The following CCSER1 variants were observed in gnomAD, a reference collection of about 807,000 sequenced individuals.
CCSER1 encodes the protein coiled-coil serine rich protein 1, also known as serine-rich coiled-coil domain-containing protein 1.
In CCSER1, 41 loss-of-function variants were observed where a neutral mutation model predicts 82.0. The ratio of observed to expected loss-of-function variants is 0.50; its 90% CI spans 0.39 to 0.65. The LOEUF (loss-of-function observed/expected upper bound fraction) is 0.65. Ranked by LOEUF, CCSER1 falls within the 30% of genes least tolerant of loss-of-function variation. CCSER1 has a pLI of 0.00. For synonymous variants in CCSER1, 414 were observed against 383.9 expected (o/e 1.08, Z -0.92); for missense variants, 1,119 against 1,064.2 (o/e 1.05, Z -0.72).
intron 3 of CCSER1, among the ~76,000 whole-genome samples, chr4:90,369,416 T>C (rs752338998): frequency 1.3e-4 from 19 of 144,882 alleles, no homozygotes; most frequent in Non-Finnish European, 2.1e-4. Flanking sequence ...AAAGAACATG[T>C]AAGTGGGAGC....
At chr4:90,435,751 C>T (rs1758911649) in intron 4 of CCSER1, among the ~76,000 whole-genome samples, 1 of 151,924 alleles carries the variant, frequency 6.6e-6, no homozygotes, top group Admixed American at 6.6e-5. Flanking sequence ...TACATGACTG[C>T]CTCAGGTAAT....
chr4:90,704,623 G>T (rs992113336), intron 6 of CCSER1, among the ~76,000 whole-genome samples: 24 of 152,208 alleles, frequency 1.6e-4, no homozygotes, highest in African/African-American at 5.1e-4. Flanking sequence ...ATCAGACCTA[G>T]ATTTGGTCTT....
At chr4:90,621,229 G>T (rs1300424896) in intron 5 of CCSER1, among the ~76,000 whole-genome samples, 3 of 152,100 alleles carry the variant, frequency 2.0e-5, no homozygotes, top group African/African-American at 7.2e-5. Flanking sequence ...TAATTTTTCT[G>T]TGTTTTTTTT....
Position 91,582,716 on chromosome 4 carries a change from A to G in CCSER1, c.2218-15856A>G, listed in dbSNP as rs190115267. ...TTACTTTTGCACCAACCTAATATCT[A>G]TCTTTTATCTGTCTATCAATCAATC... On this transcript the variant is annotated intron_variant, in intron 10 of 10. Coordinates refer to ENST00000509176, the MANE Select transcript of CCSER1 (RefSeq NM_001145065.2). Among the ~76,000 whole-genome samples, 302 of 151,468 alleles carry G rather than the reference A, an allele frequency of 2.0e-3. 1 individual carries two copies. The highest frequency in any genetic ancestry group is 6.8e-3 in the Middle Eastern group (2 of 294).
intron 8 of CCSER1, among the ~76,000 whole-genome samples, chr4:90,870,697 A>T (rs1263668515): frequency 6.6e-6 from 1 of 151,396 alleles, no homozygotes; most frequent in South Asian, 2.1e-4. Context: ...TACTAGCTTC[A>T]CTGAATGCAT....
At chr4:91,440,345 C>T (rs1443772271) in intron 10 of CCSER1, among the ~76,000 whole-genome samples, 2 of 152,118 alleles carry the variant, frequency 1.3e-5, no homozygotes, top group Non-Finnish European at 1.5e-5. Context: ...GGAAACTGAA[C>T]AATCTGCTCC....
At chr4:91,503,018 T>G (rs1352225503) in intron 10 of CCSER1, among the ~76,000 whole-genome samples, 2 of 152,194 alleles carry the variant, frequency 1.3e-5, no homozygotes, top group Admixed American at 1.3e-4. Context: ...AAATTTTACT[T>G]TTAAATCTTT....
intron 1 of CCSER1, among the ~76,000 whole-genome samples, chr4:90,214,951 G>A (rs560053229): frequency 6.6e-6 from 1 of 152,074 alleles, no homozygotes; most frequent in South Asian, 2.1e-4. Flanking sequence ...GTGTTTGATT[G>A]TACAGTTATG....
intron 10 of CCSER1, among the ~76,000 whole-genome samples, chr4:91,346,343 T>C (rs1243369631): frequency 6.6e-6 from 1 of 152,130 alleles, no homozygotes; most frequent in East Asian, 1.9e-4. Flanking sequence ...GGATGTATTA[T>C]ATTGTATGGA....
chr4:90,136,677 A>C (rs950885092), intron 1 of CCSER1, among the ~76,000 whole-genome samples: 1 of 152,230 alleles, frequency 6.6e-6, no homozygotes, highest in Admixed American at 6.5e-5. Flanking sequence ...GTATCCCTTT[A>C]GAGAACTGTT....
intron 10 of CCSER1, among the ~76,000 whole-genome samples, chr4:91,110,357 T>C (rs989247259): frequency 3.3e-5 from 5 of 151,948 alleles, no homozygotes; most frequent in Non-Finnish European, 7.4e-5. Flanking sequence ...AAAATAAAAT[T>C]GCCTATAAAA....
intron 7 of CCSER1, among the ~76,000 whole-genome samples, chr4:90,731,859 G>T (rs769133650): frequency 5.9e-5 from 9 of 152,144 alleles, no homozygotes; most frequent in Admixed American, 3.9e-4. Context: ...TGATTCTGTA[G>T]GTCGACTAGA....
At chr4:90,636,454 A>G (rs972278018) in intron 6 of CCSER1, among the ~76,000 whole-genome samples, 1 of 152,030 alleles carries the variant, frequency 6.6e-6, no homozygotes, top group Non-Finnish European at 1.5e-5. Flanking sequence ...GAATTTTTTT[A>G]TAAATATAGA....
At chr4:90,613,791 CAG>C (rs1234690709) in intron 5 of CCSER1, among the ~76,000 whole-genome samples, 1 of 152,100 alleles carries the variant, frequency 6.6e-6, no homozygotes, top group Non-Finnish European at 1.5e-5. Context: ...AAAAAACAAA[CAG>C]ACATTCACAT....
chr4:90,896,009 G>A (rs1561321110), intron 8 of CCSER1, among the ~76,000 whole-genome samples: 2 of 151,726 alleles, frequency 1.3e-5, no homozygotes, highest in Non-Finnish European at 2.9e-5. Flanking sequence ...CAGTGATTCC[G>A]GAGGAAAAAA....
chr4:90,198,389 A>G (rs1476144776), intron 1 of CCSER1, among the ~76,000 whole-genome samples: 1 of 152,188 alleles, frequency 6.6e-6, no homozygotes, highest in Non-Finnish European at 1.5e-5. Flanking sequence ...ATTTGCCAGG[A>G]ACCAGAGGCA....
chr4:90,905,416 C>T (rs903927039), intron 8 of CCSER1, among the ~76,000 whole-genome samples: 82 of 151,792 alleles, frequency 5.4e-4, no homozygotes, highest in African/African-American at 1.8e-3. Flanking sequence ...AATGCATATA[C>T]TCCTCCCCCA....
At chr4:90,156,738 C>G (rs1728278582) in intron 1 of CCSER1, among the ~76,000 whole-genome samples, 1 of 152,142 alleles carries the variant, frequency 6.6e-6, no homozygotes, top group Non-Finnish European at 1.5e-5. Flanking sequence ...AGATCTTCCT[C>G]TATCCTTTTA....
At chr4:90,370,621 G>T (rs899606715) in intron 3 of CCSER1, among the ~76,000 whole-genome samples, 1 of 151,906 alleles carries the variant, frequency 6.6e-6, no homozygotes, top group African/African-American at 2.4e-5. Flanking sequence ...CACAAGGTTT[G>T]CAAGGTTTGT....
Sources: allele counts gnomAD v4.1 joint callset (sites outside exome capture counted in the v4.1 genomes callset), GRCh38; gene constraint gnomAD v4.1.1; transcripts MANE v1.5; gene names NCBI Gene and HGNC (gene_info 2026-07-23, HGNC 2026-07-21).